ME3: variants seen among roughly 807,000 people sequenced by gnomAD.
ME3 encodes NADP-dependent malic enzyme, mitochondrial.
A neutral mutation model predicts 68.9 loss-of-function variants in ME3; 48 were observed. That is an observed-to-expected ratio of 0.70 (90% CI 0.55 to 0.89). ME3 has a LOEUF of 0.89. ME3 is among the 40% of genes least tolerant of loss of function. ME3 has a pLI of 0.00. For missense variants in ME3, 675 were observed against 797.4 expected (o/e 0.85, Z 1.85); for synonymous variants, 320 against 318.8 (o/e 1.00, Z -0.04).
chr11:86,580,687 T>C (rs1436920830), intron 2 of ME3, among the ~76,000 whole-genome samples: 1 of 152,218 alleles, frequency 6.6e-6, no homozygotes, highest in Non-Finnish European at 1.5e-5. Context: ...CCCAAGATTA[T>C]ACAGTTAATA....
In ME3 at chr11:86,450,326, A is replaced by C. The variant is rs780128014; in HGVS notation, c.992T>G (p.Val331Gly). Reference sequence around the variant, plus strand: ...CTCGCCTGCACCTTGGAAAACAAACACGTGATTGGAAAGCTTGTTCTTGGT... The same window carrying C: ...CTCGCCTGCACCTTGGAAAACAAACCCGTGATTGGAAAGCTTGTTCTTGGT... The change falls in exon 9 of 15, where the codon GTG becomes GGG. Residue 331 changes from valine to glycine, a missense_variant. Physicochemically the swap from Val to Gly is moderately radical, Grantham distance 109 (BLOSUM62 -3). Transcript: ENST00000543262. 1 of 1,613,922 alleles carries C rather than the reference A, an allele frequency of 6.2e-7. No individual in the cohort carries two copies. Among genetic ancestry groups the C allele is most frequent in the Non-Finnish European group, 8.5e-7 (1 of 1,179,934 alleles).
At chr11:86,506,756 A>G (rs1275713997) in intron 5 of ME3, among the ~76,000 whole-genome samples, 1 of 152,168 alleles carries the variant, frequency 6.6e-6, no homozygotes, top group Non-Finnish European at 1.5e-5. Flanking sequence ...AGTTTTCCCC[A>G]TGGTTGAACT....
intron 2 of ME3, among the ~76,000 whole-genome samples, chr11:86,658,467 T>C (rs1231064890): frequency 6.6e-6 from 1 of 151,958 alleles, no homozygotes; most frequent in East Asian, 1.9e-4. Context: ...AACACACCTG[T>C]AAGAGTAACT....
intron 4 of ME3, among the ~76,000 whole-genome samples, chr11:86,516,835 A>G (rs1421479371): frequency 6.6e-6 from 1 of 152,178 alleles, no homozygotes; most frequent in Non-Finnish European, 1.5e-5. Context: ...TCATTTCCAA[A>G]AAAGACCACA....
intron 8 of ME3, among the ~76,000 whole-genome samples, chr11:86,462,211 T>C (rs1215676170): frequency 6.6e-6 from 1 of 152,238 alleles, no homozygotes; most frequent in East Asian, 1.9e-4. Flanking sequence ...TCAATACATA[T>C]ATTTTTTAAA....
intron 2 of ME3, among the ~76,000 whole-genome samples, chr11:86,607,982 G>A (rs1942275563): frequency 6.6e-6 from 1 of 152,056 alleles, no homozygotes; most frequent in Admixed American, 6.6e-5. Flanking sequence ...TACCTATGAG[G>A]TATTTCCCAC....
chr11:86,455,027 C>T (rs1380741503), intron 8 of ME3, among the ~76,000 whole-genome samples: 2 of 152,244 alleles, frequency 1.3e-5, no homozygotes, highest in African/African-American at 4.8e-5. Context: ...TATGCAGGAT[C>T]ATACTTCTCA....
chr11:86,581,420 A>G (rs748665946), intron 2 of ME3, among the ~76,000 whole-genome samples: 1 of 152,184 alleles, frequency 6.6e-6, no homozygotes, highest in Non-Finnish European at 1.5e-5. Flanking sequence ...TGGCCTAGGT[A>G]TATTTTAACC....
chr11:86,650,064 G>A (rs663543), intron 2 of ME3, among the ~76,000 whole-genome samples: 107,793 of 151,998 alleles, frequency 0.71, 39,244 homozygotes, highest in Non-Finnish European at 0.8. Context: ...ACTATACTAC[G>A]ATGCTACAGT....
At chr11:86,600,161 T>C (rs1394212559) in intron 2 of ME3, among the ~76,000 whole-genome samples, 3 of 151,988 alleles carry the variant, frequency 2.0e-5, no homozygotes, top group African/African-American at 7.3e-5. Context: ...GACTGGCAAA[T>C]TGGATAAAGA....
chr11:86,447,359 A>G, intron 11 of ME3, 152 bp from the exon 12 acceptor site: 1 of 1,087,948 alleles, frequency 9.2e-7, no homozygotes, highest in Non-Finnish European at 1.3e-6. Flanking sequence ...AGAAGGGAAA[A>G]TGATCTTCCT....
intron 2 of ME3, among the ~76,000 whole-genome samples, chr11:86,569,687 AG>A (rs551291685): frequency 9.2e-4 from 140 of 152,320 alleles, no homozygotes; most frequent in African/African-American, 3.3e-3. Context: ...GCACTGAGAC[AG>A]ATACTTTACA....
chr11:86,665,326 A>C (rs1289477522), intron 2 of ME3, among the ~76,000 whole-genome samples: 9 of 152,194 alleles, frequency 5.9e-5, no homozygotes, highest in Admixed American at 3.3e-4. Flanking sequence ...AGGACTGTTC[A>C]TGAATTCACA....
chr11:86,555,263 G>A (rs1956871915), intron 4 of ME3, among the ~76,000 whole-genome samples: 1 of 152,174 alleles, frequency 6.6e-6, no homozygotes, highest in African/African-American at 2.4e-5. Flanking sequence ...CTAGGGAGCT[G>A]CTAAATGCCT....
chr11:86,659,957 G>A (rs1946171839), intron 2 of ME3, among the ~76,000 whole-genome samples: 1 of 152,080 alleles, frequency 6.6e-6, no homozygotes, highest in Admixed American at 6.5e-5. Flanking sequence ...ATACCAAAAT[G>A]TTGGGACAAA....
intron 4 of ME3, among the ~76,000 whole-genome samples, chr11:86,511,672 A>G (rs1003375012): frequency 6.6e-6 from 1 of 152,176 alleles, no homozygotes; most frequent in Non-Finnish European, 1.5e-5. Flanking sequence ...AGGCCGCAAG[A>G]TTAGGATTAT....
chr11:86,645,736 C>T (rs1393709963), intron 2 of ME3, among the ~76,000 whole-genome samples: 1 of 152,194 alleles, frequency 6.6e-6, no homozygotes, highest in Non-Finnish European at 1.5e-5. Context: ...GGGTCCCTGA[C>T]CCCTGTGCCT....
intron 2 of ME3, among the ~76,000 whole-genome samples, chr11:86,662,811 T>C (rs572102254): frequency 1.3e-5 from 2 of 152,222 alleles, no homozygotes; most frequent in Non-Finnish European, 2.9e-5. Context: ...GGAATCTGCA[T>C]TGGAATCTTC....
intron 7 of ME3, among the ~76,000 whole-genome samples, chr11:86,474,101 AG>A (rs1417112085): frequency 7.2e-5 from 11 of 152,122 alleles, no homozygotes; most frequent in African/African-American, 2.7e-4. Flanking sequence ...CCATGATGTG[AG>A]GGTGGACCTC....
Sources: allele counts gnomAD v4.1 joint callset (sites outside exome capture counted in the v4.1 genomes callset), GRCh38; gene constraint gnomAD v4.1.1; transcripts MANE v1.5; gene names NCBI Gene and HGNC (gene_info 2026-07-23, HGNC 2026-07-21).